The following ZFPM2 variants were observed in gnomAD, a reference collection of about 807,000 sequenced individuals.
ZFPM2 encodes the protein zinc finger protein ZFPM2.
A neutral mutation model predicts 98.6 loss-of-function variants in ZFPM2; 20 were observed. The ratio of observed to expected loss-of-function variants is 0.20; its 90% CI spans 0.14 to 0.29. The LOEUF (loss-of-function observed/expected upper bound fraction) is 0.29, where lower values mean the gene tolerates loss of function less well. Among genes scored for constraint, ZFPM2 ranks in the 10% least tolerant of loss-of-function variants. The probability of loss-of-function intolerance (pLI) is 1.00; values close to 1 mark genes in which losing one functional copy is unlikely to be tolerated. For synonymous variants in ZFPM2, 518 were observed against 502.7 expected, an observed-to-expected ratio of 1.03 and a Z score of -0.41; for missense variants, 1,310 against 1,388.6, an observed-to-expected ratio of 0.94 and a Z score of 0.90.
In ZFPM2 at chr8:105,706,355, A is replaced by G. The variant is rs566785858; in HGVS notation, c.532+71998A>G. On this transcript the variant is annotated intron_variant, in intron 5 of 7. Transcript: ENST00000407775. ...TGCACAAAAGCGTATGACAGTATGC[A>G]AAAATGAAGACTATTGTGTAAAATC... 2.0e-5 allele frequency among the ~76,000 whole-genome samples: 3 copies of G among 152,326 alleles called. No homozygotes were observed. In the South Asian group the frequency reaches 6.2e-4, roughly 32 times the overall value.
chr8:105,782,061 C>T (rs1813267097), intron 5 of ZFPM2, among the ~76,000 whole-genome samples: 1 of 152,162 alleles, frequency 6.6e-6, no homozygotes, highest in South Asian at 2.1e-4. Context: ...CTTTGAACAA[C>T]TTACACTTCC....
At chr8:105,673,428 G>T (rs1400134017) in intron 5 of ZFPM2, among the ~76,000 whole-genome samples, 1 of 151,926 alleles carries the variant, frequency 6.6e-6, no homozygotes, top group African/African-American at 2.4e-5. Flanking sequence ...ATGTTGGCAT[G>T]CCTATCACAT....
intron 5 of ZFPM2, among the ~76,000 whole-genome samples, chr8:105,667,996 C>A (rs1563513095): frequency 6.6e-6 from 1 of 152,142 alleles, no homozygotes; most frequent in Admixed American, 6.5e-5. Context: ...TCTTTGGAGT[C>A]CTAAATTTTT....
rs1491232192 is a variant in ZFPM2, at chr8:105,443,312, C to CAAAAAAAAAAAAA, written c.200-962_200-961insAAAAAAAAAAAAA. Among the ~76,000 whole-genome samples, 124 of 115,200 alleles carry CAAAAAAAAAAAAA rather than the reference C, an allele frequency of 1.1e-3. 18 individuals are homozygous for CAAAAAAAAAAAAA. Among genetic ancestry groups the CAAAAAAAAAAAAA allele is most frequent in the Middle Eastern group, 4.7e-3 (1 of 214 alleles). 75.6% of individuals were successfully genotyped at this position (115,200 alleles called of 152,430 possible). ...TGACAGAGCGAGTAAGACTCCTTCT[C>CAAAAAAAAAAAAA]AAAAAACAAAAAACAAAAAAAAAAA... On this transcript the variant is annotated intron_variant, in intron 2 of 7. Coordinates refer to ENST00000407775, the MANE Select transcript of ZFPM2 (RefSeq NM_012082.4).
At chr8:105,698,886 A>G (rs1158451176) in intron 5 of ZFPM2, among the ~76,000 whole-genome samples, 1 of 152,136 alleles carries the variant, frequency 6.6e-6, no homozygotes, top group Non-Finnish European at 1.5e-5. Context: ...TTCCATTTCC[A>G]ATTCCCATAC....
chr8:105,489,113 T>G (rs948731184), intron 3 of ZFPM2, among the ~76,000 whole-genome samples: 1 of 152,144 alleles, frequency 6.6e-6, no homozygotes, highest in East Asian at 1.9e-4. Flanking sequence ...CCCATGAAGG[T>G]ATAATATAGC....
chr8:105,731,454 T>C (rs1811935900), intron 5 of ZFPM2, among the ~76,000 whole-genome samples: 1 of 151,628 alleles, frequency 6.6e-6, no homozygotes. Context: ...TTGCATTGAA[T>C]TGAAAGGCAC....
chr8:105,464,285 A>G (rs1253943830), intron 3 of ZFPM2, among the ~76,000 whole-genome samples: 1 of 152,048 alleles, frequency 6.6e-6, no homozygotes, highest in African/African-American at 2.4e-5. Context: ...TTTCTATTTT[A>G]TATGCTTTTA....
chr8:105,385,637 A>T (rs1287683336), intron 1 of ZFPM2, among the ~76,000 whole-genome samples: 1 of 152,210 alleles, frequency 6.6e-6, no homozygotes, highest in Non-Finnish European at 1.5e-5. Flanking sequence ...GCAGGTTGTA[A>T]ATACATGCAA....
At position 105,441,482 on chromosome 8, in the gene ZFPM2, G is replaced by GAAAGAAAAAAAA. The variant is rs1554604997; in HGVS notation, c.200-2791_200-2790insAAAAAAAAGAAA. ...AGAAAGAAAGAAAGAAAGAAAGAAA[G>GAAAGAAAAAAAA]AAAGAAAGAAAGAAAGAAATCAAAG... On this transcript the variant is annotated intron_variant, in intron 2 of 7. Transcript: ENST00000407775. 1.2e-4 allele frequency among the ~76,000 whole-genome samples: 10 copies of GAAAGAAAAAAAA among 85,410 alleles called. 2 individuals carry two copies. The Admixed American group carries it at 1.2e-3, about 10-fold the overall frequency. The allele number at this position is 85,410 out of a possible 152,430, so 56.0% of individuals were successfully genotyped here.
intron 1 of ZFPM2, among the ~76,000 whole-genome samples, chr8:105,331,178 C>G (rs1265244917): frequency 6.7e-6 from 1 of 150,304 alleles, no homozygotes; most frequent in Non-Finnish European, 1.5e-5. Flanking sequence ...TACACACACA[C>G]ACACACACAC....
chr8:105,705,272 T>C (rs1400352940), intron 5 of ZFPM2, among the ~76,000 whole-genome samples: 2 of 152,122 alleles, frequency 1.3e-5, no homozygotes, highest in African/African-American at 4.8e-5. Context: ...GCATTGTGTG[T>C]ATGCAATATA....
At chr8:105,469,242 C>A (rs1201437298) in intron 3 of ZFPM2, among the ~76,000 whole-genome samples, 1 of 152,098 alleles carries the variant, frequency 6.6e-6, no homozygotes, top group African/African-American at 2.4e-5. Context: ...AGTATGATCT[C>A]CAATATTTCA....
chr8:105,326,513 A>G (rs1246042363), intron 1 of ZFPM2, among the ~76,000 whole-genome samples: 9 of 151,740 alleles, frequency 5.9e-5, no homozygotes, highest in Admixed American at 2.0e-4. Context: ...TGATGGCTAT[A>G]ACCAATGCCA....
chr8:105,663,706 A>G (rs188848165), intron 5 of ZFPM2, among the ~76,000 whole-genome samples: 76 of 152,368 alleles, frequency 5.0e-4, no homozygotes, highest in African/African-American at 1.8e-3. Flanking sequence ...CACAAAAGAA[A>G]TCTGAGGCAC....
At chr8:105,357,457 A>T (rs1427470481) in intron 1 of ZFPM2, among the ~76,000 whole-genome samples, 1 of 152,240 alleles carries the variant, frequency 6.6e-6, no homozygotes, top group Non-Finnish European at 1.5e-5. Context: ...TCTCATAGCA[A>T]TGTGGTAAGC....
chr8:105,489,466 A>ATATATATATATATATATATATATAT (rs1554610604), intron 3 of ZFPM2, among the ~76,000 whole-genome samples: 31 of 119,742 alleles, frequency 2.6e-4, no homozygotes, highest in African/African-American at 1.1e-3. Flanking sequence ...ATATATATAT[A>ATATATATATATATATATATATATAT]TTTTTTTTTT....
At chr8:105,458,702 A>G (rs755240338) in intron 3 of ZFPM2, among the ~76,000 whole-genome samples, 3 of 152,172 alleles carry the variant, frequency 2.0e-5, no homozygotes, top group Admixed American at 6.5e-5. Context: ...ACTTTTAGTT[A>G]TATTTTCTCT....
In ZFPM2 at chr8:105,724,054, T is replaced by C. The variant is rs117912536; in HGVS notation, c.533-64664T>C. 1.7e-3 allele frequency among the ~76,000 whole-genome samples: 252 copies of C among 151,956 alleles called. 1 individual carries two copies. Among genetic ancestry groups the C allele is most frequent in the South Asian group, 6.0e-3 (29 of 4,820 alleles). On this transcript the variant is annotated intron_variant, in intron 5 of 7. Transcript: ENST00000407775. The stretch of plus-strand genomic sequence containing the variant: ...TTGCTGGCATTAAAGTTTGCAACTT[T>C]AGATTCTTCACCTTCTCTTTGCTTT...
Sources: allele counts gnomAD v4.1 joint callset (sites outside exome capture counted in the v4.1 genomes callset), GRCh38; gene constraint gnomAD v4.1.1; transcripts MANE v1.5; gene names NCBI Gene and HGNC (gene_info 2026-07-23, HGNC 2026-07-21).